Variants in ACACA observed in about 807,000 individuals in gnomAD.
ACACA encodes acetyl-CoA carboxylase 1.
A neutral mutation model predicts 296.1 loss-of-function variants in ACACA; 103 were observed. That is an observed-to-expected ratio of 0.35 (90% CI 0.30 to 0.41). The LOEUF (loss-of-function observed/expected upper bound fraction) is 0.41. ACACA is among the 10% of genes least tolerant of loss of function. The pLI is 1.00. For synonymous variants in ACACA, 953 were observed against 1,038.6 expected, an observed-to-expected ratio of 0.92 and a Z score of 1.58; for missense variants, 1,554 against 2,989.7, an observed-to-expected ratio of 0.52 and a Z score of 11.20.
Position 37,162,062 on chromosome 17 carries a change from TAAAC to T in ACACA, c.5080-16_5080-13del, listed in dbSNP as rs772108608. On this transcript the variant is annotated splice_polypyrimidine_tract_variant and intron_variant, in intron 41 of 55. Coordinates refer to ENST00000616317, the MANE Select transcript of ACACA (RefSeq NM_198834.3). Reference sequence around the variant, plus strand: ...GCTACCATGCCAATCTGGAAAGGCATAAACAAACAAATGAACAGAAGTTTCTTAC... The same window carrying T: ...GCTACCATGCCAATCTGGAAAGGCATAAACAAATGAACAGAAGTTTCTTAC... 2 of 1,614,114 alleles carry T rather than the reference TAAAC, an allele frequency of 1.2e-6. No homozygotes were observed. The highest frequency in any genetic ancestry group is 1.7e-5 in the Admixed American group (1 of 60,010).
At chr17:37,186,778 G>A (rs996345034) in intron 39 of ACACA, among the ~76,000 whole-genome samples, 3 of 151,950 alleles carry the variant, frequency 2.0e-5, no homozygotes, top group Non-Finnish European at 2.9e-5. Context: ...CTTATTGTGT[G>A]CTTATTTTGT....
At position 37,200,052 on chromosome 17, in the gene ACACA, G is replaced by C. The variant is rs1430320446; in HGVS notation, c.4158+87C>G. On this transcript the variant is annotated intron_variant, in intron 35 of 55. Coordinates refer to ENST00000616317, the MANE Select transcript of ACACA (RefSeq NM_198834.3). ...AGAAGAAGGATCAAATATCAGTCCA[G>C]CCCTTCTAACATATATTCTGGTTAA... 4.2e-6 allele frequency: 4 copies of C among 950,290 alleles called. No individual in the cohort carries two copies. The African/African-American group carries it at 6.5e-5, about 15-fold the overall frequency. The allele number at this position is 950,290 out of a possible 1,614,324, so 58.9% of individuals were successfully genotyped here.
At chr17:37,131,464 G>A (rs758932404) in intron 45 of ACACA, among the ~76,000 whole-genome samples, 8 of 152,094 alleles carry the variant, frequency 5.3e-5, no homozygotes, top group Non-Finnish European at 8.8e-5. Context: ...GTTGTAGAGC[G>A]CTTACTGTAT....
intron 29 of ACACA, among the ~76,000 whole-genome samples, chr17:37,211,860 G>A (rs1337431412): frequency 2.0e-5 from 3 of 152,148 alleles, no homozygotes; most frequent in Non-Finnish European, 4.4e-5. Flanking sequence ...GCAGAAACCT[G>A]AACCTTTGCT....
At chr17:37,402,948 A>T (rs2051341394) in intron 1 of ACACA, among the ~76,000 whole-genome samples, 1 of 152,182 alleles carries the variant, frequency 6.6e-6, no homozygotes, top group Non-Finnish European at 1.5e-5. Flanking sequence ...CTGGGATTAC[A>T]GGCGTGAGCC....
At chr17:37,094,581 C>G (rs1555543639) in intron 54 of ACACA, among the ~76,000 whole-genome samples, 28 of 148,348 alleles carry the variant, frequency 1.9e-4, no homozygotes, top group Middle Eastern at 6.9e-3. Context: ...CACCCCCCCC[C>G]CCCCACACCA....
intron 19 of ACACA, among the ~76,000 whole-genome samples, chr17:37,246,129 C>T (rs1018227019): frequency 2.0e-5 from 3 of 152,174 alleles, no homozygotes; most frequent in African/African-American, 7.2e-5. Flanking sequence ...GAATATCTTC[C>T]CATACAAGCT....
At chr17:37,300,064 C>T (rs1486436602) in intron 3 of ACACA, among the ~76,000 whole-genome samples, 1 of 152,070 alleles carries the variant, frequency 6.6e-6, no homozygotes, top group Non-Finnish European at 1.5e-5. Flanking sequence ...TATATAGACA[C>T]CTAAACTAAG....
chr17:37,247,658 C>T (rs1023955472), intron 18 of ACACA, among the ~76,000 whole-genome samples: 6 of 152,114 alleles, frequency 3.9e-5, no homozygotes, highest in Non-Finnish European at 7.4e-5. Flanking sequence ...TGAGCCACCG[C>T]GCCCAGCCAC....
chr17:37,402,703 C>A (rs530525651), intron 1 of ACACA, among the ~76,000 whole-genome samples: 2 of 151,674 alleles, frequency 1.3e-5, no homozygotes, highest in Non-Finnish European at 2.9e-5. Context: ...GACAGAGTCT[C>A]GCTCTGTTGC....
intron 27 of ACACA, among the ~76,000 whole-genome samples, chr17:37,224,311 C>T (rs962143057): frequency 2.0e-5 from 3 of 152,164 alleles, no homozygotes; most frequent in Admixed American, 2.0e-4. Flanking sequence ...TAAGAAAAAA[C>T]ATCCTTTTTT....
intron 30 of ACACA, among the ~76,000 whole-genome samples, 183 bp from the exon 31 acceptor site, chr17:37,207,983 T>G (rs981918688): frequency 6.6e-6 from 1 of 152,202 alleles, no homozygotes; most frequent in African/African-American, 2.4e-5. Context: ...CCCTTTCTTT[T>G]GAATTTCCCT....
chr17:37,111,633 G>T lies in ACACA; in HGVS notation c.6463C>A (p.Leu2155Met). The T allele has an allele frequency of 6.2e-7, 1 of 1,613,478 alleles. No individual in the cohort carries two copies. The highest frequency in any genetic ancestry group is 1.3e-5 in the African/African-American group (1 of 75,006). The part of the protein sequence containing the change: ...YADRESRGSV[L>M]EPEGTVEIKF... ...ATTTCTACTGTCCCTTCTGGCTCCA[G>T]AACAGATCCCCTGGATCAGAAAGAA... The change falls in exon 52 of 56, where the codon CTG becomes ATG. Residue 2155 changes from leucine to methionine, a missense_variant. Transcript: ENST00000616317.
Position 37,087,308 on chromosome 17 carries a change from A to T in ACACA, c.*8T>A. On this transcript the variant is annotated 3_prime_UTR_variant, in exon 56 of 56. Transcript: ENST00000616317. ...AGAGACAGGGCAGGGACAGGCAGGA[A>T]GCTCTTCCTACGTGGAAGGGGAATC... 6.2e-7 allele frequency: 1 copy of T among 1,614,134 alleles called. No homozygotes were observed. The highest frequency in any genetic ancestry group is 8.5e-7 in the Non-Finnish European group (1 of 1,180,038).
At chr17:37,268,998 T>C (rs1035769306) in intron 10 of ACACA, among the ~76,000 whole-genome samples, 2 of 148,386 alleles carry the variant, frequency 1.3e-5, no homozygotes, top group Non-Finnish European at 1.5e-5. Flanking sequence ...CTCTAGACTC[T>C]CTGAGTCACT....
rs141716918 is a variant in ACACA, at chr17:37,218,887, A to G, written c.3683+2837T>C. On this transcript the variant is annotated intron_variant, in intron 29 of 55. Coordinates refer to ENST00000616317, the MANE Select transcript of ACACA (RefSeq NM_198834.3). ...TCTAAAAGAGCTTAGATTTCTGTTT[A>G]AGATGAGCAGGCCTATTGTATAATA... Among the ~76,000 whole-genome samples the G allele has an allele frequency of 1.7e-4, 26 of 152,378 alleles. No individual in the cohort carries two copies. In the East Asian group the frequency reaches 5.0e-3, roughly 29 times the overall value.
chr17:37,094,324 C>T (rs960460254), intron 54 of ACACA, among the ~76,000 whole-genome samples: 12 of 152,126 alleles, frequency 7.9e-5, no homozygotes, highest in African/African-American at 2.4e-4. Flanking sequence ...ATAATATCAC[C>T]GTGTCTTCAA....
intron 52 of ACACA, among the ~76,000 whole-genome samples, chr17:37,102,791 C>T (rs2073443148): frequency 6.6e-6 from 1 of 152,230 alleles, no homozygotes; most frequent in Admixed American, 6.5e-5. Flanking sequence ...TCTGGGCTAA[C>T]AAAGGTCTTG....
chr17:37,227,924 C>T (rs1368980172), intron 25 of ACACA, among the ~76,000 whole-genome samples: 1 of 151,470 alleles, frequency 6.6e-6, no homozygotes, highest in African/African-American at 2.4e-5. Flanking sequence ...TATTTATTCT[C>T]CCCCTACTAC....
Sources: gnomAD v4.1 joint callset for allele counts (sites outside exome capture counted in the v4.1 genomes callset) on GRCh38, gnomAD v4.1.1 for gene constraint, MANE v1.5 for transcripts, NCBI Gene and HGNC (gene_info 2026-07-23, HGNC 2026-07-21) for gene names.